EBPL: variants seen among roughly 807,000 people sequenced by gnomAD.
EBPL encodes EBP like, also known as emopamil-binding protein-like.
In EBPL, 20 loss-of-function variants were observed where a neutral mutation model predicts 19.0. The observed-to-expected ratio is 1.05, with a 90% CI of 0.74 to 1.53. The LOEUF is 1.53. Ranked by LOEUF, EBPL falls within the 40% of genes most tolerant of loss-of-function variation. EBPL has a pLI of 0.00. For missense variants in EBPL, 219 were observed against 261.1 expected (o/e 0.84, Z 1.11); for synonymous variants, 107 against 117.0 (o/e 0.91, Z 0.55).
chr13:49,682,976 C>A (rs925389770), intron 1 of EBPL, among the ~76,000 whole-genome samples: 23 of 152,008 alleles, frequency 1.5e-4, no homozygotes, highest in African/African-American at 5.6e-4. Flanking sequence ...TTCATTCATT[C>A]ATCCATGAAT....
chr13:49,667,453 C>A (rs1053884926), intron 2 of EBPL, among the ~76,000 whole-genome samples: 1 of 152,098 alleles, frequency 6.6e-6, no homozygotes, highest in Admixed American at 6.6e-5. Flanking sequence ...GGCCCTGCAT[C>A]CCAGTGAAGC....
intron 2 of EBPL, chr13:49,668,705 A>T (rs909771119): frequency 6.9e-6 from 2 of 289,754 alleles, no homozygotes; most frequent in Non-Finnish European, 1.4e-5. Flanking sequence ...GACACAGTAC[A>T]TGGTAGAATA....
At chr13:49,673,069 A>AAAAGG (rs1953835579) in intron 1 of EBPL, among the ~76,000 whole-genome samples, 3 of 152,120 alleles carry the variant, frequency 2.0e-5, no homozygotes, top group Admixed American at 6.6e-5. Context: ...AAAAAGAAAG[A>AAAAGG]AAAGGAAAGG....
intron 2 of EBPL, among the ~76,000 whole-genome samples, chr13:49,666,671 C>T (rs1025380547): frequency 1.4e-5 from 2 of 140,662 alleles, no homozygotes; most frequent in Non-Finnish European, 3.0e-5. Flanking sequence ...GGGATAGCAC[C>T]ACTGCAGTCC....
At chr13:49,669,326 G>C (rs1295543506) in intron 2 of EBPL, among the ~76,000 whole-genome samples, 3 of 152,036 alleles carry the variant, frequency 2.0e-5, no homozygotes, top group South Asian at 2.1e-4. Flanking sequence ...TCAGCCTCCT[G>C]AGTAGCTGGG....
intron 1 of EBPL, among the ~76,000 whole-genome samples, chr13:49,689,014 G>A (rs1202711338): frequency 6.6e-6 from 1 of 152,172 alleles, no homozygotes; most frequent in Admixed American, 6.5e-5. Flanking sequence ...CCACTAATAT[G>A]GGCTGGTTAA....
intron 1 of EBPL, chr13:49,686,668 C>A (rs1475664576): frequency 3.2e-6 from 4 of 1,255,874 alleles, no homozygotes; most frequent in Non-Finnish European, 4.1e-6. Flanking sequence ...TCTAGCTCAG[C>A]AAAAGCAGTC....
At chr13:49,663,011 T>TAA in intron 3 of EBPL, 46 bp downstream of exon 3, 1 of 1,609,578 alleles carries the variant, frequency 6.2e-7, no homozygotes, top group Non-Finnish European at 8.5e-7. Flanking sequence ...TGTTGGGACA[T>TAA]GTAATGTCTC....
chr13:49,683,331 C>T (rs1251366702), intron 1 of EBPL, among the ~76,000 whole-genome samples: 1 of 151,746 alleles, frequency 6.6e-6, no homozygotes, highest in East Asian at 2.0e-4. Context: ...TGGAGACCAT[C>T]CCTGGCTAAC....
At chr13:49,667,411 G>C (rs894085747) in intron 2 of EBPL, among the ~76,000 whole-genome samples, 2 of 152,146 alleles carry the variant, frequency 1.3e-5, no homozygotes, top group East Asian at 3.9e-4. Flanking sequence ...GTGGAGACCA[G>C]GAGATGCTGA....
At chr13:49,666,731 A>C (rs67753898) in intron 2 of EBPL, among the ~76,000 whole-genome samples, 6 of 139,410 alleles carry the variant, frequency 4.3e-5, no homozygotes, top group African/African-American at 7.5e-5. Flanking sequence ...AAAAAAAAAA[A>C]AAACAAAAAT....
chr13:49,680,812 T>C (rs1465920742), intron 1 of EBPL, among the ~76,000 whole-genome samples: 2 of 145,960 alleles, frequency 1.4e-5, no homozygotes, highest in Admixed American at 1.4e-4. Context: ...CAGAGCGAGA[T>C]TCCGTCTCAA....
At position 49,690,603 on chromosome 13, in the gene EBPL, C is replaced by T. The variant is rs146396762; in HGVS notation, c.171+651G>A. On this transcript the variant is annotated intron_variant, in intron 1 of 3. Coordinates refer to ENST00000242827, the MANE Select transcript of EBPL (RefSeq NM_032565.5). ...TCTAAGGACACATATTTCCTAAGAC[C>T]TCGACTGATACACAGAGTGCAAACT... Among the ~76,000 whole-genome samples, 3 of 152,194 alleles carry T rather than the reference C, an allele frequency of 2.0e-5. No individual in the cohort carries two copies. The East Asian group carries it at 5.8e-4, about 29-fold the overall frequency.
intron 3 of EBPL, chr13:49,661,749 CA>C: frequency 6.8e-7 from 1 of 1,475,820 alleles, no homozygotes; most frequent in Non-Finnish European, 9.0e-7. Context: ...GTCAAGGTAC[CA>C]AGGAAAAATT....
intron 1 of EBPL, among the ~76,000 whole-genome samples, 164 bp from the exon 2 acceptor site, chr13:49,670,010 G>A (rs747541004): frequency 6.6e-6 from 1 of 152,088 alleles, no homozygotes; most frequent in Non-Finnish European, 1.5e-5. Context: ...TACAATCTTG[G>A]GACCTGGTTA....
intron 2 of EBPL, among the ~76,000 whole-genome samples, chr13:49,666,339 A>G (rs1594405100): frequency 6.6e-6 from 1 of 152,140 alleles, no homozygotes; most frequent in East Asian, 1.9e-4. Flanking sequence ...TTATATGTGG[A>G]AGCAGAGTGG....
chr13:49,689,021 T>G (rs1954031773), intron 1 of EBPL, among the ~76,000 whole-genome samples: 1 of 152,214 alleles, frequency 6.6e-6, no homozygotes, highest in Non-Finnish European at 1.5e-5. Flanking sequence ...TATGGGCTGG[T>G]TAAGTGATCG....
At chr13:49,677,849 G>A (rs1168578069) in intron 1 of EBPL, among the ~76,000 whole-genome samples, 2 of 152,234 alleles carry the variant, frequency 1.3e-5, no homozygotes, top group Admixed American at 6.5e-5. Context: ...AGTTCTTAAA[G>A]ATGGTGTGTC....
chr13:49,667,245 G>A (rs1272314235), intron 2 of EBPL, among the ~76,000 whole-genome samples: 2 of 152,110 alleles, frequency 1.3e-5, no homozygotes, highest in Admixed American at 6.5e-5. Flanking sequence ...CAATAAAAAG[G>A]CAAACAGGAG....
Sources: gnomAD v4.1 joint callset for allele counts (sites outside exome capture counted in the v4.1 genomes callset) on GRCh38, gnomAD v4.1.1 for gene constraint, MANE v1.5 for transcripts, NCBI Gene and HGNC (gene_info 2026-07-23, HGNC 2026-07-21) for gene names.